Variants in PAPSS2 observed in about 807,000 individuals in gnomAD.
PAPSS2 encodes the protein bifunctional 3'-phosphoadenosine 5'-phosphosulfate synthase 2.
A neutral mutation model predicts 66.5 loss-of-function variants in PAPSS2; 61 were observed. The observed-to-expected ratio is 0.92, with a 90% CI of 0.75 to 1.14. The LOEUF (loss-of-function observed/expected upper bound fraction) is 1.14. Among genes scored for constraint, PAPSS2 ranks in the 50% most tolerant of loss-of-function variants. PAPSS2 has a pLI of 0.00. For synonymous variants in PAPSS2, 289 were observed against 287.5 expected, an observed-to-expected ratio of 1.01 and a Z score of -0.05; for missense variants, 708 against 789.6, an observed-to-expected ratio of 0.90 and a Z score of 1.24.
intron 1 of PAPSS2, among the ~76,000 whole-genome samples, chr10:87,673,539 T>A (rs1422409303): frequency 6.6e-6 from 1 of 150,744 alleles, no homozygotes; most frequent in East Asian, 2.0e-4. Context: ...AGGGTTATAT[T>A]TTTCTTAGCT....
At position 87,659,922 on chromosome 10, in the gene PAPSS2, C is replaced by A. The variant is rs1852726385; in HGVS notation, c.-60C>A. ...GCTGCTGCTGCCGCCGCCGCCGCCG[C>A]CGTCCCTGCGTCCTTCGGTCTCTGC... is the stretch of plus-strand genomic sequence containing the variant. On this transcript the variant is annotated 5_prime_UTR_variant, in exon 1 of 13. Transcript: ENST00000456849. 6.3e-7 allele frequency: 1 copy of A among 1,580,068 alleles called. No individual in the cohort carries two copies. Among genetic ancestry groups the A allele is most frequent in the Admixed American group, 1.7e-5 (1 of 59,540 alleles).
chr10:87,738,238 G>A (rs1053513378), intron 9 of PAPSS2, among the ~76,000 whole-genome samples: 4 of 152,180 alleles, frequency 2.6e-5, no homozygotes, highest in African/African-American at 7.2e-5. Flanking sequence ...ACACCCATAA[G>A]TAGGATTGCT....
intron 9 of PAPSS2, among the ~76,000 whole-genome samples, chr10:87,731,229 C>T (rs1374608131): frequency 6.6e-6 from 1 of 152,138 alleles, no homozygotes; most frequent in Non-Finnish European, 1.5e-5. Context: ...TCTTCCTGTG[C>T]TCTATAAATG....
rs144965912 is a variant in PAPSS2 at position 87,664,519 on chromosome 10, G to A, written c.27+4511G>A. On this transcript the variant is annotated intron_variant, in intron 1 of 12. Transcript: ENST00000456849. ...AGATCATCTGTTTGGACTTTGGTGC[G>A]GTTAAAAGATAAATGTGGTTAACTC... 1.4e-3 allele frequency among the ~76,000 whole-genome samples: 220 copies of A among 152,244 alleles called. 1 individual carries two copies. Among genetic ancestry groups the A allele is most frequent in the Non-Finnish European group, 2.5e-3 (168 of 68,012 alleles).
At position 87,713,207 on chromosome 10, in the gene PAPSS2, C is replaced by G. The variant is rs370889902; in HGVS notation, c.278C>G (p.Pro93Arg). 2.5e-6 allele frequency: 4 copies of G among 1,609,838 alleles called. No homozygotes were observed. In the African/African-American group the frequency reaches 5.4e-5, roughly 22 times the overall value. Residue 93 changes from proline to arginine, a missense_variant, in exon 3 of 13, where the codon CCT becomes CGT. Pro to Arg is a moderately radical substitution (Grantham distance 103, BLOSUM62 -2). Coordinates refer to ENST00000456849, the MANE Select transcript of PAPSS2 (RefSeq NM_001015880.2). ...HGLNRNLGFSPGDREENIRRI... is the reference protein window; with the variant it reads ...HGLNRNLGFSRGDREENIRRI... ...CTTAACAGAAATCTCGGATTCTCTC[C>G]TGGGGACAGAGAGGAAAATATCCGC...
chr10:87,703,655 T>TCA (rs1211110544), intron 1 of PAPSS2: 7 of 498,278 alleles, frequency 1.4e-5, no homozygotes, highest in Non-Finnish European at 2.4e-5. Flanking sequence ...ACAGAGCAAA[T>TCA]CAGCCGTGAA....
chr10:87,688,077 C>T (rs1174646881), intron 1 of PAPSS2, among the ~76,000 whole-genome samples: 1 of 152,072 alleles, frequency 6.6e-6, no homozygotes, highest in Non-Finnish European at 1.5e-5. Context: ...TGTGTACTAA[C>T]TAGTCAGGTG....
rs1489665442 is a variant in PAPSS2, at chr10:87,696,343, T to C, written c.28-12853T>C. On this transcript the variant is annotated intron_variant, in intron 1 of 12. Coordinates refer to ENST00000456849, the MANE Select transcript of PAPSS2 (RefSeq NM_001015880.2). ...TTTTCTATTTCCTGGGCTCTCTCTATATGGAAAATTAAAGGCTATGTATGT... is the reference window on the plus strand; with the variant it reads ...TTTTCTATTTCCTGGGCTCTCTCTACATGGAAAATTAAAGGCTATGTATGT... 3.9e-5 allele frequency among the ~76,000 whole-genome samples: 6 copies of C among 152,282 alleles called. No homozygotes were observed. The South Asian group carries it at 1.2e-3, about 32-fold the overall frequency.
intron 1 of PAPSS2, among the ~76,000 whole-genome samples, chr10:87,679,453 A>G (rs1852989681): frequency 6.6e-6 from 1 of 152,176 alleles, no homozygotes; most frequent in Admixed American, 6.5e-5. Context: ...CTCAACACAT[A>G]AAAATAATAA....
chr10:87,666,195 C>T (rs1461859898), intron 1 of PAPSS2, among the ~76,000 whole-genome samples: 1 of 152,174 alleles, frequency 6.6e-6, no homozygotes, highest in African/African-American at 2.4e-5. Flanking sequence ...AACTCCTGAC[C>T]TCAAGTGATC....
intron 1 of PAPSS2, among the ~76,000 whole-genome samples, chr10:87,706,088 A>G (rs1207575156): frequency 1.2e-5 from 1 of 83,352 alleles, no homozygotes; most frequent in Non-Finnish European, 2.1e-5. Context: ...CACATGGTAT[A>G]TATATATATA....
At position 87,703,665 on chromosome 10, in the gene PAPSS2, A is replaced by G. The variant is rs778605519; in HGVS notation, c.28-5531A>G. 2.8e-4 allele frequency: 143 copies of G among 509,886 alleles called. 1 individual carries two copies. The highest frequency in any genetic ancestry group is 5.0e-4 in the Non-Finnish European group (127 of 255,114). The allele number at this position is 509,886 out of a possible 1,614,324, so 31.6% of individuals were successfully genotyped here. ...AGGTCACAGAGCAAATCAGCCGTGAAGCAGGTTTCAAATCCAGGTCTGCTT... is the reference window on the plus strand; with the variant it reads ...AGGTCACAGAGCAAATCAGCCGTGAGGCAGGTTTCAAATCCAGGTCTGCTT... On this transcript the variant is annotated intron_variant, in intron 1 of 12. Transcript: ENST00000456849.
intron 1 of PAPSS2, among the ~76,000 whole-genome samples, chr10:87,675,749 C>T (rs1284816720): frequency 6.6e-6 from 1 of 152,140 alleles, no homozygotes; most frequent in Non-Finnish European, 1.5e-5. Flanking sequence ...ATATTGATGC[C>T]TGGACCTCAC....
chr10:87,671,195 A>G (rs1219763643), intron 1 of PAPSS2, among the ~76,000 whole-genome samples: 1 of 152,150 alleles, frequency 6.6e-6, no homozygotes, highest in East Asian at 1.9e-4. Context: ...TTCTTCAGTT[A>G]AAATAACATA....
At chr10:87,736,168 C>T (rs1202632802) in intron 9 of PAPSS2, among the ~76,000 whole-genome samples, 1 of 151,518 alleles carries the variant, frequency 6.6e-6, no homozygotes, top group Non-Finnish European at 1.5e-5. Context: ...AGGAGAGACA[C>T]AGCTCTGTAA....
intron 1 of PAPSS2, among the ~76,000 whole-genome samples, chr10:87,706,850 G>C (rs1364398052): frequency 1.3e-5 from 2 of 152,164 alleles, no homozygotes; most frequent in African/African-American, 4.8e-5. Flanking sequence ...CTCATGGAGT[G>C]GCCTAATTTG....
Position 87,715,021 on chromosome 10 carries a change from G to A in PAPSS2, c.676G>A (p.Glu226Lys), listed in dbSNP as rs780333884. The A allele has an allele frequency of 2.2e-5, 36 of 1,612,766 alleles. No homozygotes were observed. The highest frequency in any genetic ancestry group is 4.5e-5 in the East Asian group (2 of 44,868). The part of the protein sequence containing the change: ...VPYTIIKDIH[E>K]LFVPENKLDH... ...CTATACTATAATCAAAGATATCCAC[G>A]AACTCTTTGTGCCGGAAAACAAACT... Residue 226 changes from glutamate (E) to lysine (K), a missense_variant, in exon 6 of 13, where the codon GAA becomes AAA. Glu to Lys is a moderately conservative substitution (Grantham distance 56). Transcript: ENST00000456849.
intron 1 of PAPSS2, among the ~76,000 whole-genome samples, chr10:87,700,898 T>G (rs997082451): frequency 6.6e-5 from 10 of 151,860 alleles, no homozygotes; most frequent in Non-Finnish European, 1.0e-4. Flanking sequence ...AATCGATCCA[T>G]GTAAGCACAT....
chr10:87,710,314 A>G (rs1156757998), intron 2 of PAPSS2, among the ~76,000 whole-genome samples: 1 of 152,036 alleles, frequency 6.6e-6, no homozygotes, highest in Non-Finnish European at 1.5e-5. Flanking sequence ...TCATGCCTGG[A>G]CTGTGCATCG....
Sources: allele counts gnomAD v4.1 joint callset (sites outside exome capture counted in the v4.1 genomes callset), GRCh38; gene constraint gnomAD v4.1.1; transcripts MANE v1.5; gene names NCBI Gene and HGNC (gene_info 2026-07-23, HGNC 2026-07-21).